TDRD1: variants seen among roughly 807,000 people sequenced by gnomAD.
The protein encoded by TDRD1 is tudor domain containing 1.
A neutral mutation model predicts 140.6 loss-of-function variants in TDRD1; 37 were observed. That is an observed-to-expected ratio of 0.26 (90% CI 0.20 to 0.35). TDRD1 has a LOEUF of 0.35. TDRD1 is among the 10% of genes least tolerant of loss of function. The pLI is 1.00. For missense variants in TDRD1, 1,243 were observed against 1,393.0 expected (o/e 0.89, Z 1.71); for synonymous variants, 506 against 475.7 (o/e 1.06, Z -0.83).
chr10:114,210,447 C>G (rs957076562), intron 11 of TDRD1, 134 bp from the exon 12 acceptor site: 14 of 813,846 alleles, frequency 1.7e-5, no homozygotes, highest in Non-Finnish European at 2.2e-5. Context: ...AACACCATGA[C>G]CTCTCAGACT....
At chr10:114,208,600 G>A (rs1370572761) in intron 11 of TDRD1, among the ~76,000 whole-genome samples, 1 of 152,218 alleles carries the variant, frequency 6.6e-6, no homozygotes, top group East Asian at 1.9e-4. Context: ...CATTATGATT[G>A]TGCACCCTCT....
intron 3 of TDRD1, among the ~76,000 whole-genome samples, chr10:114,197,467 A>G (rs915767805): frequency 6.6e-6 from 1 of 151,532 alleles, no homozygotes; most frequent in Non-Finnish European, 1.5e-5. Context: ...TTTCAAGCCT[A>G]TTCATAATTG....
intron 20 of TDRD1, 72 bp downstream of exon 20, chr10:114,221,548 T>C (rs1192804444): frequency 2.8e-6 from 4 of 1,440,726 alleles, no homozygotes; most frequent in Non-Finnish European, 3.8e-6. Flanking sequence ...TGGTCTTGAA[T>C]TCCTTTGGGA....
chr10:114,225,558 TA>T (rs71303583), intron 21 of TDRD1, among the ~76,000 whole-genome samples: 54,639 of 146,738 alleles, frequency 0.37, 10,239 homozygotes, highest in African/African-American at 0.51. Flanking sequence ...TCTACGCATT[TA>T]AAAAAAAAAA....
intron 21 of TDRD1, 129 bp downstream of exon 21, chr10:114,222,832 A>G: frequency 1.7e-6 from 1 of 583,190 alleles, no homozygotes; most frequent in East Asian, 2.8e-5. Context: ...TAAGGAAGGC[A>G]GTGTTGTGGA....
At chr10:114,203,099 G>A (rs1274746093) in exon 7 of TDRD1, 3 of 1,613,802 alleles carry the variant, frequency 1.9e-6, no homozygotes, top group Non-Finnish European at 2.5e-6. Context: ...AGTTACTAAG[G>A]AAATAGCCAT....
intron 3 of TDRD1, among the ~76,000 whole-genome samples, chr10:114,193,953 T>C (rs1242373131): frequency 1.3e-5 from 2 of 152,240 alleles, no homozygotes; most frequent in African/African-American, 4.8e-5. Context: ...CATTGATTGA[T>C]ATGGTAGTGA....
chr10:114,220,764 T>G lies in TDRD1; in HGVS notation c.2691T>G (p.Ser897=), dbSNP rs778945344. The G allele has an allele frequency of 1.3e-5, 21 of 1,611,818 alleles. No homozygotes were observed. In the South Asian group the frequency reaches 2.2e-4, roughly 17 times the overall value. Residue 897 remains serine (S), a synonymous_variant, in exon 19 of 26, where the codon TCT becomes TCG. Coordinates refer to ENST00000251864, the Ensembl canonical transcript of TDRD1. ...TTGATGAACATCTGGTTTTAAAATC[T>G]GCTTCACCACATAAAGACTTACCAA... is the stretch of plus-strand genomic sequence containing the variant.
intron 1 of TDRD1, among the ~76,000 whole-genome samples, chr10:114,180,917 T>C (rs1373263754): frequency 6.6e-6 from 1 of 152,198 alleles, no homozygotes; most frequent in African/African-American, 2.4e-5. Context: ...TGTGGTATCC[T>C]AGAGGGAGAA....
At chr10:114,204,592 T>C in intron 9 of TDRD1, 130 bp from the exon 10 acceptor site, 5 of 903,622 alleles carry the variant, frequency 5.5e-6, no homozygotes, top group Non-Finnish European at 8.0e-6. Flanking sequence ...CAGAAAATTG[T>C]CTATCTGATT....
chr10:114,176,290 GA>G (rs558894627), upstream of TDRD1, among the ~76,000 whole-genome samples: 947 of 134,992 alleles, frequency 7.0e-3, 11 homozygotes, highest in African/African-American at 0.022. This position sits in a 1 kb window ranked among gnomAD's most constrained non-coding sequence, Gnocchi z 4.2. Context: ...AAATTGAATG[GA>G]AAAAAAAAAA....
intron 21 of TDRD1, among the ~76,000 whole-genome samples, chr10:114,224,594 T>G (rs1452805107): frequency 6.6e-6 from 1 of 152,246 alleles, no homozygotes; most frequent in Non-Finnish European, 1.5e-5. Context: ...TTTTTTGTTC[T>G]TAAAGAGATT....
chr10:114,194,268 G>C (rs1167593222), intron 3 of TDRD1, among the ~76,000 whole-genome samples: 1 of 152,130 alleles, frequency 6.6e-6, no homozygotes, highest in Non-Finnish European at 1.5e-5. Flanking sequence ...TATAGAATTG[G>C]TGTTAATTCT....
At chr10:114,222,331 A>G (rs988965642) in intron 20 of TDRD1, among the ~76,000 whole-genome samples, 7 of 152,160 alleles carry the variant, frequency 4.6e-5, no homozygotes, top group Non-Finnish European at 8.8e-5. Context: ...CAGTATAACC[A>G]CCTTGATCAA....
intron 14 of TDRD1, 46 bp downstream of exon 14, chr10:114,212,082 T>A: frequency 6.6e-7 from 1 of 1,504,888 alleles, no homozygotes. Context: ...ATTCTACAGA[T>A]GAAGAAACAT....
At chr10:114,215,458 C>T (rs893587003) in intron 16 of TDRD1, among the ~76,000 whole-genome samples, 1 of 152,100 alleles carries the variant, frequency 6.6e-6, no homozygotes, top group Non-Finnish European at 1.5e-5. Context: ...TGCAGCTTCC[C>T]CATCTACAAA....
chr10:114,188,224 A>G (rs898265271), intron 2 of TDRD1, 68 bp downstream of exon 2: 12 of 1,370,402 alleles, frequency 8.8e-6, no homozygotes, highest in South Asian at 1.4e-5. Flanking sequence ...AGAAGTATAT[A>G]TAACCACACA....
chr10:114,229,318 ACCAACTG>A (rs1211845175), intron 25 of TDRD1, among the ~76,000 whole-genome samples: 2 of 152,320 alleles, frequency 1.3e-5, no homozygotes, highest in Admixed American at 6.5e-5. Flanking sequence ...TCAAGTAGGA[ACCAACTG>A]CCAACTGTGT....
intron 2 of TDRD1, among the ~76,000 whole-genome samples, chr10:114,188,529 G>A (rs78097612): frequency 0.083 from 12,676 of 152,234 alleles, 653 homozygotes; most frequent in Middle Eastern, 0.15. Flanking sequence ...CTGGTTTCAC[G>A]TGATTTATTT....
Sources: allele counts gnomAD v4.1 joint callset (sites outside exome capture counted in the v4.1 genomes callset), GRCh38; gene constraint gnomAD v4.1.1; non-coding constraint Gnocchi (gnomAD v3.1); transcripts MANE v1.5; gene names NCBI Gene and HGNC (gene_info 2026-07-23, HGNC 2026-07-21).